The following DAAM2 variants were observed in gnomAD, a reference collection of about 807,000 sequenced individuals.
DAAM2 encodes dishevelled associated activator of morphogenesis 2.
A neutral mutation model predicts 120.7 loss-of-function variants in DAAM2; 39 were observed. The observed-to-expected ratio is 0.32, with a 90% confidence interval of 0.25 to 0.42. The LOEUF (loss-of-function observed/expected upper bound fraction) is 0.42. Among genes scored for constraint, DAAM2 ranks in the 10% least tolerant of loss-of-function variants. The probability of loss-of-function intolerance (pLI) is 1.00; values close to 1 mark genes in which losing one functional copy is unlikely to be tolerated. For synonymous variants in DAAM2, 488 were observed against 524.9 expected, an observed-to-expected ratio of 0.93 and a Z score of 0.96; for missense variants, 1,283 against 1,401.7, an observed-to-expected ratio of 0.92 and a Z score of 1.35.
chr6:39,873,089 T>C (rs1423800419), intron 9 of DAAM2, 149 bp from the exon 10 acceptor site: 80 of 618,970 alleles, frequency 1.3e-4, no homozygotes, highest in Middle Eastern at 3.0e-4. Context: ...CTGTTCCTTT[T>C]GTCTTTCTCT....
At chr6:39,863,139 C>T (rs1000598751) in intron 3 of DAAM2, among the ~76,000 whole-genome samples, 1 of 151,938 alleles carries the variant, frequency 6.6e-6, no homozygotes, top group Admixed American at 6.6e-5. Flanking sequence ...GAGACCATGA[C>T]TCTTTACTCC....
chr6:39,882,794 T>C (rs1475339686), intron 14 of DAAM2, among the ~76,000 whole-genome samples: 2 of 152,078 alleles, frequency 1.3e-5, no homozygotes, highest in African/African-American at 4.8e-5. Flanking sequence ...GTGTTGGGGT[T>C]GGCCAGCTGC....
chr6:39,796,352 A>T (rs1447707290), intron 1 of DAAM2, among the ~76,000 whole-genome samples: 1 of 152,156 alleles, frequency 6.6e-6, no homozygotes, highest in Admixed American at 6.5e-5. Flanking sequence ...AGGCTCAACC[A>T]GTGGTCAACT....
chr6:39,808,421 A>G (rs760738497), intron 1 of DAAM2, among the ~76,000 whole-genome samples: 1 of 152,162 alleles, frequency 6.6e-6, no homozygotes, highest in African/African-American at 2.4e-5. Context: ...TCTCTCCACC[A>G]TCACTGCCTT....
At chr6:39,813,462 C>T (rs1762222596) in intron 1 of DAAM2, among the ~76,000 whole-genome samples, 1 of 152,114 alleles carries the variant, frequency 6.6e-6, no homozygotes, top group Admixed American at 6.5e-5. Context: ...AGGCTAGAAA[C>T]AGGACAGGCA....
chr6:39,892,273 C>A (rs1291696147), intron 19 of DAAM2, among the ~76,000 whole-genome samples: 1 of 152,214 alleles, frequency 6.6e-6, no homozygotes, highest in East Asian at 1.9e-4. Context: ...CTGTGTGAAG[C>A]ACTCTGCTTG....
In DAAM2 at chr6:39,832,893, T is replaced by G. The variant is rs79546473; in HGVS notation, c.-56-23354T>G. Among the ~76,000 whole-genome samples, 636 of 152,226 alleles carry G rather than the reference T, an allele frequency of 4.2e-3. 4 individuals are homozygous for G. Among genetic ancestry groups the G allele is most frequent in the African/African-American group, 0.014 (581 of 41,546 alleles). On this transcript the variant is annotated intron_variant, in intron 1 of 24. Coordinates refer to ENST00000274867, the MANE Select transcript of DAAM2 (RefSeq NM_001201427.2). The stretch of plus-strand genomic sequence containing the variant: ...TTGGCACCCACTGCTGAAGCTTAGG[T>G]CTTCCTCAGGCTCCTGGCTCTGCCA...
intron 9 of DAAM2, 54 bp from the exon 10 acceptor site, chr6:39,873,184 T>G: frequency 8.3e-7 from 1 of 1,201,156 alleles, no homozygotes; most frequent in South Asian, 1.3e-5. Flanking sequence ...TTCTCTCTCC[T>G]GCTGACTTCC....
intron 11 of DAAM2, among the ~76,000 whole-genome samples, chr6:39,877,344 C>A (rs1764914695): frequency 6.6e-6 from 1 of 152,154 alleles, no homozygotes; most frequent in Non-Finnish European, 1.5e-5. Context: ...AAGTAGGGCC[C>A]CAGTCTACCC....
Position 39,878,514 on chromosome 6 carries a change from G to T in DAAM2, c.1471G>T (p.Ala491Ser). Residue 491 changes from alanine to serine, a missense_variant, in exon 13 of 25, where the codon GCC becomes TCC. Ala to Ser is a moderately conservative substitution (Grantham distance 99). Coordinates refer to ENST00000274867, the MANE Select transcript of DAAM2 (RefSeq NM_001201427.2). This position sits in a 1 kb window ranked among gnomAD's most constrained non-coding sequence, Gnocchi z 5.0. ...GCTGAACAAAATGAAGGACAAGCTG[G>T]CCCGGGAGTCCCAGGAGCTGCGCCA... is the stretch of plus-strand genomic sequence containing the variant. ...RTLNKMKDKL[A>S]RESQELRQAR... 1 of 1,610,522 alleles carries T rather than the reference G, an allele frequency of 6.2e-7. No individual in the cohort carries two copies. Among genetic ancestry groups the T allele is most frequent in the Non-Finnish European group, 8.5e-7 (1 of 1,178,416 alleles).
chr6:39,902,663 T>C lies in DAAM2; in HGVS notation c.*626T>C, dbSNP rs1766559588. 6.6e-6 allele frequency: 1 copy of C among 152,276 alleles called. No individual in the cohort carries two copies. Among genetic ancestry groups the C allele is most frequent in the Admixed American group, 6.5e-5 (1 of 15,290 alleles). 9.4% of individuals were successfully genotyped at this position (152,276 alleles called of 1,614,324 possible). ...ATCAGGACAGAGTAGCAGTGTCTGT[T>C]TCCCATGTCACAAGTCCTCTGGCCT... is the stretch of plus-strand genomic sequence containing the variant. On this transcript the variant is annotated 3_prime_UTR_variant, in exon 25 of 25. Coordinates refer to ENST00000274867, the MANE Select transcript of DAAM2 (RefSeq NM_001201427.2).
intron 5 of DAAM2, among the ~76,000 whole-genome samples, chr6:39,866,973 T>C (rs1378587000): frequency 1.3e-5 from 2 of 152,268 alleles, no homozygotes; most frequent in Non-Finnish European, 2.9e-5. Flanking sequence ...ATGCTATCCA[T>C]AGATTCTTCA....
chr6:39,873,806 GC>G (rs1764761558), intron 10 of DAAM2, among the ~76,000 whole-genome samples: 2 of 152,104 alleles, frequency 1.3e-5, no homozygotes, highest in Admixed American at 1.3e-4. Context: ...TTGCACTCTT[GC>G]CCCTGCTTCT....
At position 39,902,354 on chromosome 6, in the gene DAAM2, G is replaced by T; in HGVS notation, c.*317G>T. The stretch of plus-strand genomic sequence containing the variant: ...CCCATCCCCTACCATGGGCACCCAT[G>T]TGCTGGCACAGAACAGTTCCAGATC... On this transcript the variant is annotated 3_prime_UTR_variant, in exon 25 of 25. Coordinates refer to ENST00000274867, the MANE Select transcript of DAAM2 (RefSeq NM_001201427.2). The T allele has an allele frequency of 4.0e-6, 1 of 252,726 alleles. No homozygotes were observed. The highest frequency in any genetic ancestry group is 7.5e-6 in the Non-Finnish European group (1 of 133,034). 15.7% of individuals were successfully genotyped at this position (252,726 alleles called of 1,614,324 possible).
chr6:39,809,927 G>T (rs767491961), intron 1 of DAAM2, among the ~76,000 whole-genome samples: 10 of 152,150 alleles, frequency 6.6e-5, no homozygotes, highest in African/African-American at 4.8e-5. Flanking sequence ...CAGGGACCCA[G>T]GCTCCCTCTC....
chr6:39,801,108 C>T (rs937605506), intron 1 of DAAM2, among the ~76,000 whole-genome samples: 2 of 152,156 alleles, frequency 1.3e-5, no homozygotes, highest in African/African-American at 4.8e-5. Context: ...TGTTAAGTCC[C>T]TGGCACAGTA....
chr6:39,812,047 A>G (rs1052831363), intron 1 of DAAM2, among the ~76,000 whole-genome samples: 3 of 152,158 alleles, frequency 2.0e-5, no homozygotes, highest in African/African-American at 4.8e-5. Flanking sequence ...GGCATAGGGC[A>G]GGGTGCATAG....
At position 39,861,094 on chromosome 6, in the gene DAAM2, G is replaced by A. The variant is rs151169624; in HGVS notation, c.258+77G>A. 3.6e-3 allele frequency: 3,642 copies of A among 1,018,844 alleles called. 55 individuals are homozygous for A. The African/African-American group carries it at 0.04, about 11-fold the overall frequency. 63.1% of individuals were successfully genotyped at this position (1,018,844 alleles called of 1,614,324 possible). Reference sequence around the variant, plus strand: ...GCTCTTGCTGCCTTGGCATGCTCATGCATTCACCTGATGTTTATTACATGC... The same window carrying A: ...GCTCTTGCTGCCTTGGCATGCTCATACATTCACCTGATGTTTATTACATGC... On this transcript the variant is annotated intron_variant, in intron 3 of 24. Coordinates refer to ENST00000274867, the MANE Select transcript of DAAM2 (RefSeq NM_001201427.2).
Position 39,871,513 on chromosome 6 carries a change from G to T in DAAM2, c.985G>T (p.Asp329Tyr). 1 of 1,551,570 alleles carries T rather than the reference G, an allele frequency of 6.4e-7. No individual in the cohort carries two copies. Among genetic ancestry groups the T allele is most frequent in the South Asian group, 1.2e-5 (1 of 84,020 alleles). The part of the protein sequence containing the change: ...HENAILDKHL[D>Y]FFEMVRNEDD... Reference sequence around the variant, plus strand: ...TCTCCCCATTCTGTCTAGACATTTAGACTTCTTCGAGATGGTGCGGAATGA... The same window carrying T: ...TCTCCCCATTCTGTCTAGACATTTATACTTCTTCGAGATGGTGCGGAATGA... The change falls in exon 9 of 25, where the codon GAC becomes TAC. Residue 329 changes from aspartate to tyrosine, a missense_variant. Physicochemically the swap from Asp to Tyr is radical, Grantham distance 160. This residue lies in a region of DAAM2 where 338 missense variants were observed against 443.9 expected (regional missense o/e 0.76). Coordinates refer to ENST00000274867, the MANE Select transcript of DAAM2 (RefSeq NM_001201427.2).
Sources: allele counts gnomAD v4.1 joint callset (sites outside exome capture counted in the v4.1 genomes callset), GRCh38; gene constraint gnomAD v4.1.1; regional missense constraint gnomAD v4.1.1; non-coding constraint Gnocchi (gnomAD v3.1); transcripts MANE v1.5; gene names NCBI Gene and HGNC (gene_info 2026-07-23, HGNC 2026-07-21).